The following LRRC4C variants were observed in gnomAD, a reference collection of about 807,000 sequenced individuals.
LRRC4C encodes the protein leucine-rich repeat-containing protein 4C.
Under a neutral mutation model 33.6 loss-of-function variants are expected in LRRC4C, and 5 were observed. The observed-to-expected ratio is 0.15, with a 90% confidence interval of 0.08 to 0.31. The LOEUF is 0.31. Among genes scored for constraint, LRRC4C ranks in the 10% least tolerant of loss-of-function variants. The pLI is 1.00. For missense variants in LRRC4C, 560 were observed against 796.7 expected, an observed-to-expected ratio of 0.70 and a Z score of 3.58; for synonymous variants, 329 against 302.0, an observed-to-expected ratio of 1.09 and a Z score of -0.93.
chr11:40,968,855 A>AT (rs916240102), intron 1 of LRRC4C, among the ~76,000 whole-genome samples: 21 of 152,120 alleles, frequency 1.4e-4, no homozygotes, highest in Non-Finnish European at 2.2e-4. Context: ...GATTACTGTT[A>AT]TTTTTTGTGT....
chr11:40,388,518 G>C (rs950341101), intron 3 of LRRC4C, among the ~76,000 whole-genome samples: 1 of 152,162 alleles, frequency 6.6e-6, no homozygotes, highest in African/African-American at 2.4e-5. Context: ...AATTACAGGG[G>C]ATGCTAAACA....
At chr11:40,287,632 A>G (rs1324273181) in intron 4 of LRRC4C, among the ~76,000 whole-genome samples, 1 of 152,208 alleles carries the variant, frequency 6.6e-6, no homozygotes, top group Non-Finnish European at 1.5e-5. Context: ...TTTTGAAGAA[A>G]TGAAAGATGC....
intron 1 of LRRC4C, among the ~76,000 whole-genome samples, chr11:41,112,922 A>G (rs556196607): frequency 6.6e-6 from 1 of 152,200 alleles, no homozygotes; most frequent in South Asian, 2.1e-4. Flanking sequence ...GTGTACATTT[A>G]TTAATTTGTG....
intron 3 of LRRC4C, among the ~76,000 whole-genome samples, chr11:40,466,876 A>G (rs1481123919): frequency 1.3e-5 from 2 of 152,084 alleles, no homozygotes; most frequent in Non-Finnish European, 2.9e-5. Flanking sequence ...ATTTCAGTTT[A>G]AACCACAATG....
intron 3 of LRRC4C, among the ~76,000 whole-genome samples, chr11:40,594,888 A>G (rs952816233): frequency 2.0e-5 from 3 of 152,202 alleles, no homozygotes; most frequent in Non-Finnish European, 1.5e-5. Flanking sequence ...TGAGCTTCCC[A>G]GAAAACATTT....
intron 1 of LRRC4C, among the ~76,000 whole-genome samples, chr11:41,406,039 C>G (rs1339399095): frequency 6.6e-6 from 1 of 152,008 alleles, no homozygotes; most frequent in African/African-American, 2.4e-5. Context: ...GCAGCTTTTA[C>G]ATAATTTGAT....
chr11:41,350,566 C>A (rs1453735090), intron 1 of LRRC4C, among the ~76,000 whole-genome samples: 3 of 150,330 alleles, frequency 2.0e-5, no homozygotes, highest in African/African-American at 7.3e-5. Context: ...TGCATATAGA[C>A]CATGATAAAA....
intron 1 of LRRC4C, among the ~76,000 whole-genome samples, chr11:41,446,369 G>T (rs1375762851): frequency 6.6e-6 from 1 of 152,186 alleles, no homozygotes; most frequent in East Asian, 1.9e-4. Context: ...CATTGGATGG[G>T]TGATTGCTCT....
Position 40,270,300 on chromosome 11 carries a change from G to A in LRRC4C, c.-175-28702C>T, listed in dbSNP as rs557233556. On this transcript the variant is annotated intron_variant, in intron 4 of 6. Transcript: ENST00000528697. ...ACTAGAAGTCCAAGATTAAGGTGTC[G>A]GCAGGTTTGTTTTCTTTGGTGGCCT... Among the ~76,000 whole-genome samples, 14 of 152,076 alleles carry A rather than the reference G, an allele frequency of 9.2e-5. No individual in the cohort carries two copies. The South Asian group carries it at 2.5e-3, about 27-fold the overall frequency.
At chr11:40,490,230 C>T (rs1954077863) in intron 3 of LRRC4C, among the ~76,000 whole-genome samples, 1 of 152,016 alleles carries the variant, frequency 6.6e-6, no homozygotes, top group Admixed American at 6.6e-5. Flanking sequence ...TTGTTTTTTC[C>T]TTCTGCCTTT....
At chr11:41,185,075 C>T (rs761435757) in intron 1 of LRRC4C, among the ~76,000 whole-genome samples, 47 of 152,210 alleles carry the variant, frequency 3.1e-4, no homozygotes, top group Non-Finnish European at 4.7e-4. Context: ...CTGGGTCCTT[C>T]CCATGACACA....
At chr11:40,366,382 C>A (rs1489127877) in intron 3 of LRRC4C, among the ~76,000 whole-genome samples, 1 of 151,950 alleles carries the variant, frequency 6.6e-6, no homozygotes, top group African/African-American at 2.4e-5. Flanking sequence ...ATATTGTCAG[C>A]CAGCATTTCA....
chr11:40,817,254 A>T (rs1369218339), intron 2 of LRRC4C, among the ~76,000 whole-genome samples: 1 of 152,132 alleles, frequency 6.6e-6, no homozygotes, highest in Non-Finnish European at 1.5e-5. Flanking sequence ...CCCTCTCCTC[A>T]ATGACTCTTT....
At chr11:40,155,006 T>C (rs570952417) in intron 5 of LRRC4C, among the ~76,000 whole-genome samples, 88 of 152,124 alleles carry the variant, frequency 5.8e-4, no homozygotes, top group Middle Eastern at 3.4e-3. Flanking sequence ...TCAAGCACTC[T>C]CTCAGACCAC....
At chr11:40,819,233 T>C (rs1283042436) in intron 2 of LRRC4C, among the ~76,000 whole-genome samples, 3 of 152,048 alleles carry the variant, frequency 2.0e-5, no homozygotes, top group African/African-American at 7.2e-5. Context: ...CAAAATACCT[T>C]CTGCAAAAAC....
chr11:40,367,204 T>A (rs111500522), intron 3 of LRRC4C, among the ~76,000 whole-genome samples: 70 of 152,094 alleles, frequency 4.6e-4, no homozygotes, highest in African/African-American at 1.7e-3. Flanking sequence ...TAATTTCTTG[T>A]TTAATTGATG....
chr11:40,801,653 T>G (rs890685118), intron 2 of LRRC4C, among the ~76,000 whole-genome samples: 2 of 152,204 alleles, frequency 1.3e-5, no homozygotes, highest in African/African-American at 4.8e-5. Context: ...CTAATAATTT[T>G]TTAATCTCTC....
At chr11:40,865,064 T>C (rs1442958048) in intron 2 of LRRC4C, among the ~76,000 whole-genome samples, 1 of 152,182 alleles carries the variant, frequency 6.6e-6, no homozygotes, top group Non-Finnish European at 1.5e-5. Flanking sequence ...GCAATAAACA[T>C]GAGAGTGCAG....
At chr11:41,415,012 A>T (rs1233769934) in intron 1 of LRRC4C, among the ~76,000 whole-genome samples, 1 of 152,154 alleles carries the variant, frequency 6.6e-6, no homozygotes, top group East Asian at 1.9e-4. Context: ...TAGGCCAATT[A>T]AAACTTGAAA....
Sources: gnomAD v4.1 joint callset for allele counts (sites outside exome capture counted in the v4.1 genomes callset) on GRCh38, gnomAD v4.1.1 for gene constraint, MANE v1.5 for transcripts, NCBI Gene and HGNC (gene_info 2026-07-23, HGNC 2026-07-21) for gene names.